The following B3GLCT variants were observed in gnomAD, a reference collection of about 807,000 sequenced individuals.
B3GLCT encodes the protein beta-1,3-glucosyltransferase.
A neutral mutation model predicts 63.4 loss-of-function variants in B3GLCT; 65 were observed. The observed-to-expected ratio is 1.03, with a 90% CI of 0.84 to 1.26. B3GLCT has a LOEUF of 1.26. Ranked by LOEUF, B3GLCT falls within the 50% of genes most tolerant of loss-of-function variation. B3GLCT has a pLI of 0.00. For missense variants in B3GLCT, 577 were observed against 604.8 expected, an observed-to-expected ratio of 0.95 and a Z score of 0.48; for synonymous variants, 233 against 219.2, an observed-to-expected ratio of 1.06 and a Z score of -0.55.
chr13:31,219,136 A>G (rs1347063673), intron 2 of B3GLCT, among the ~76,000 whole-genome samples: 1 of 152,144 alleles, frequency 6.6e-6, no homozygotes, highest in Non-Finnish European at 1.5e-5. Context: ...TGGCAGAGAC[A>G]CAACAAAAAA....
At chr13:31,268,412 A>T (rs955214722) in intron 7 of B3GLCT, among the ~76,000 whole-genome samples, 15 of 152,172 alleles carry the variant, frequency 9.9e-5, no homozygotes, top group Admixed American at 9.8e-4. Flanking sequence ...AGAGAGAGTT[A>T]TGTATGCACC....
chr13:31,316,429 A>ATATATATATATATATATATATATC (rs1383254112), intron 12 of B3GLCT, among the ~76,000 whole-genome samples: 1 of 116,864 alleles, frequency 8.6e-6, no homozygotes. Context: ...ATATATATAT[A>ATATATATATATATATATATATATC]TAAATTTTTT....
intron 1 of B3GLCT, 54 bp downstream of exon 1, chr13:31,200,208 A>G: frequency 5.3e-6 from 6 of 1,136,722 alleles, no homozygotes; most frequent in Non-Finnish European, 6.6e-6. Context: ...TCGCGGGCAC[A>G]GTCGCCCGTG....
At chr13:31,239,662 A>G (rs996820313) in intron 4 of B3GLCT, among the ~76,000 whole-genome samples, 1 of 150,154 alleles carries the variant, frequency 6.7e-6, no homozygotes, top group African/African-American at 2.4e-5. Context: ...TTATGTTGTG[A>G]TGGCAAAGCT....
chr13:31,247,945 C>A lies in B3GLCT; in HGVS notation c.438C>A (p.Leu146=). The change falls in exon 6 of 15, where the codon CTC becomes CTA. Residue 146 remains leucine (L), a synonymous_variant. Transcript: ENST00000343307. ...RIQIPKLLET[L]RRYDPSKEWF... ...AGATTCCAAAACTCTTGGAAACCCT[C>A]AGAAGATATGACCCCTCTAAGGTGA... The A allele has an allele frequency of 6.3e-7, 1 of 1,599,406 alleles. No individual in the cohort carries two copies. The highest frequency in any genetic ancestry group is 1.7e-5 in the Admixed American group (1 of 60,016).
chr13:31,253,946 A>G (rs1366920764), intron 6 of B3GLCT, among the ~76,000 whole-genome samples: 1 of 152,218 alleles, frequency 6.6e-6, no homozygotes, highest in African/African-American at 2.4e-5. Context: ...AAAAATGGAT[A>G]AATTCCTGGA....
At chr13:31,200,757 G>A (rs972260046) in intron 1 of B3GLCT, among the ~76,000 whole-genome samples, 5 of 152,020 alleles carry the variant, frequency 3.3e-5, no homozygotes, top group African/African-American at 1.2e-4. Flanking sequence ...AGGATAAGCG[G>A]CCAGCTCGGC....
chr13:31,329,947 T>C lies in B3GLCT; in HGVS notation c.*279T>C. The C allele has an allele frequency of 2.3e-6, 1 of 426,462 alleles. No individual in the cohort carries two copies. The highest frequency in any genetic ancestry group is 3.9e-5 in the Admixed American group (1 of 25,930). 26.4% of individuals were successfully genotyped at this position (426,462 alleles called of 1,614,324 possible). A position where few individuals can be genotyped will look rare whatever the true frequency, so the allele number is the denominator to read the frequency against. On this transcript the variant is annotated 3_prime_UTR_variant, in exon 15 of 15. Transcript: ENST00000343307. ...ATTCTCCAAGCTGTGATACAGCAGT[T>C]TTTTTTTATTGTCACAGGGAAATAA... is the stretch of plus-strand genomic sequence containing the variant.
chr13:31,221,504 G>A (rs1381598413), intron 2 of B3GLCT, among the ~76,000 whole-genome samples: 1 of 152,234 alleles, frequency 6.6e-6, no homozygotes, highest in Non-Finnish European at 1.5e-5. Flanking sequence ...TGTTTCATCA[G>A]GATTAAGTTA....
chr13:31,311,877 CCATAA>C (rs1874729241), intron 12 of B3GLCT, among the ~76,000 whole-genome samples: 1 of 152,136 alleles, frequency 6.6e-6, no homozygotes, highest in Non-Finnish European at 1.5e-5. Context: ...ATATTGCAAA[CCATAA>C]TAGTATACTT....
intron 13 of B3GLCT, among the ~76,000 whole-genome samples, chr13:31,318,321 G>T (rs1312370809): frequency 1.3e-5 from 2 of 152,260 alleles, no homozygotes; most frequent in South Asian, 4.1e-4. Context: ...GATATTTGTT[G>T]CATGTCTTCT....
intron 6 of B3GLCT, among the ~76,000 whole-genome samples, chr13:31,256,192 C>T (rs1871730820): frequency 6.6e-6 from 1 of 152,214 alleles, no homozygotes; most frequent in African/African-American, 2.4e-5. Context: ...AGTTCATCAT[C>T]ACTGGTTATT....
In B3GLCT at chr13:31,279,858, C is replaced by T. The variant is rs140785010; in HGVS notation, c.850+3087C>T. On this transcript the variant is annotated intron_variant, in intron 10 of 14. Coordinates refer to ENST00000343307, the MANE Select transcript of B3GLCT (RefSeq NM_194318.4). ...TTTCCAAAGCGGCCATTTCAGAGAC[C>T]GTCCCTTGGGAACGCATTCTCTTTC... 4.6e-3 allele frequency among the ~76,000 whole-genome samples: 694 copies of T among 152,248 alleles called. 2 individuals carry two copies. The highest frequency in any genetic ancestry group is 0.016 in the African/African-American group (660 of 41,546).
At chr13:31,300,284 T>C (rs1874159095) in intron 12 of B3GLCT, among the ~76,000 whole-genome samples, 1 of 152,158 alleles carries the variant, frequency 6.6e-6, no homozygotes, top group South Asian at 2.1e-4. Flanking sequence ...TGTTTGATAA[T>C]GGAATGGGCA....
At chr13:31,328,692 CAAAAAAAAAAAA>C (rs34729471) in intron 14 of B3GLCT, among the ~76,000 whole-genome samples, 3 of 45,436 alleles carry the variant, frequency 6.6e-5, no homozygotes, top group South Asian at 1.7e-3. Context: ...AACTCCATCT[CAAAAAAAAAAAA>C]AAAAAAAAAA....
chr13:31,325,013 CT>C (rs2072577844), intron 14 of B3GLCT, among the ~76,000 whole-genome samples: 2 of 152,152 alleles, frequency 1.3e-5, no homozygotes, highest in South Asian at 4.2e-4. Context: ...GGCCCATGCT[CT>C]ATTTATTTGG....
intron 2 of B3GLCT, among the ~76,000 whole-genome samples, chr13:31,216,862 C>T (rs1463652475): frequency 6.6e-6 from 1 of 152,128 alleles, no homozygotes; most frequent in Non-Finnish European, 1.5e-5. Context: ...TGATGGGCAT[C>T]TAGGTTGATT....
intron 4 of B3GLCT, among the ~76,000 whole-genome samples, chr13:31,237,801 G>T (rs191377552): frequency 3.9e-5 from 6 of 152,304 alleles, no homozygotes; most frequent in Non-Finnish European, 2.9e-5. Flanking sequence ...CCTCAAAGGG[G>T]TGTCTCAGCA....
chr13:31,208,599 C>T (rs1210288289), intron 1 of B3GLCT, among the ~76,000 whole-genome samples: 1 of 126,742 alleles, frequency 7.9e-6, no homozygotes, highest in African/African-American at 2.9e-5. Flanking sequence ...TCAGAGCCTG[C>T]AGCTTCTGCT....
Sources: allele counts gnomAD v4.1 joint callset (sites outside exome capture counted in the v4.1 genomes callset), GRCh38; gene constraint gnomAD v4.1.1; transcripts MANE v1.5; gene names NCBI Gene and HGNC (gene_info 2026-07-23, HGNC 2026-07-21).